The following RANBP9 variants were observed in gnomAD, a reference collection of about 807,000 sequenced individuals.
RANBP9 encodes ran-binding protein 9.
A neutral mutation model predicts 84.3 loss-of-function variants in RANBP9; 15 were observed. The ratio of observed to expected loss-of-function variants is 0.18; its 90% CI spans 0.12 to 0.27. The LOEUF (loss-of-function observed/expected upper bound fraction) is 0.27. Among genes scored for constraint, RANBP9 ranks in the 10% least tolerant of loss-of-function variants. RANBP9 has a pLI of 1.00. For missense variants in RANBP9, 809 were observed against 912.8 expected (o/e 0.89, Z 1.46); for synonymous variants, 392 against 349.6 (o/e 1.12, Z -1.35).
At chr6:13,651,384 T>C (rs571103572) in intron 5 of RANBP9, among the ~76,000 whole-genome samples, 16 of 123,454 alleles carry the variant, frequency 1.3e-4, no homozygotes, top group African/African-American at 5.6e-4. Context: ...TTTGTTGTTG[T>C]TGTTGTTTTG....
chr6:13,673,153 C>T (rs918179691), intron 2 of RANBP9, among the ~76,000 whole-genome samples: 2 of 151,948 alleles, frequency 1.3e-5, no homozygotes, highest in African/African-American at 4.8e-5. Context: ...CAGGAAAAAA[C>T]AAAACAAAAC....
chr6:13,697,309 G>A (rs753797734), intron 1 of RANBP9, among the ~76,000 whole-genome samples: 10 of 152,198 alleles, frequency 6.6e-5, no homozygotes, highest in African/African-American at 1.9e-4. Flanking sequence ...CCAAAGTCCT[G>A]GCTCTTTAAA....
chr6:13,660,128 G>C (rs1399488045), intron 2 of RANBP9, among the ~76,000 whole-genome samples: 1 of 152,108 alleles, frequency 6.6e-6, no homozygotes, highest in Non-Finnish European at 1.5e-5. Flanking sequence ...ACAGGAATAA[G>C]GTTCTCAAGG....
intron 2 of RANBP9, among the ~76,000 whole-genome samples, chr6:13,691,955 C>T (rs890762519): frequency 3.3e-5 from 5 of 152,098 alleles, no homozygotes; most frequent in African/African-American, 1.2e-4. Context: ...CCACTGTGCC[C>T]AGCGAAAATT....
intron 2 of RANBP9, among the ~76,000 whole-genome samples, chr6:13,678,757 C>A (rs1275790431): frequency 6.6e-6 from 1 of 152,184 alleles, no homozygotes; most frequent in East Asian, 1.9e-4. Context: ...CCCTGTGTAG[C>A]ATGCAGTGAC....
At chr6:13,627,495 T>C (rs1230279774) in intron 12 of RANBP9, among the ~76,000 whole-genome samples, 4 of 151,876 alleles carry the variant, frequency 2.6e-5, no homozygotes, top group African/African-American at 9.7e-5. Context: ...TCAGGCATGG[T>C]GGTGCATGCC....
At chr6:13,702,644 G>C (rs1482518131) in intron 1 of RANBP9, among the ~76,000 whole-genome samples, 1 of 151,864 alleles carries the variant, frequency 6.6e-6, no homozygotes, top group African/African-American at 2.4e-5. Flanking sequence ...GGTTATGTAG[G>C]ATTTTCATCT....
At chr6:13,706,709 A>G (rs963584009) in intron 1 of RANBP9, among the ~76,000 whole-genome samples, 5 of 150,680 alleles carry the variant, frequency 3.3e-5, no homozygotes, top group Non-Finnish European at 5.9e-5. Context: ...AAAAAAAAAA[A>G]GGACAATTCA....
chr6:13,623,035 C>G (rs1764498632), intron 13 of RANBP9, among the ~76,000 whole-genome samples: 1 of 152,136 alleles, frequency 6.6e-6, no homozygotes. Flanking sequence ...ACAGCAGAGC[C>G]ACCCCACAGT....
intron 9 of RANBP9, among the ~76,000 whole-genome samples, chr6:13,639,149 A>G (rs952475035): frequency 6.6e-5 from 10 of 152,160 alleles, no homozygotes; most frequent in Admixed American, 3.3e-4. Context: ...AATCTTAAGT[A>G]TACACATTTG....
At chr6:13,670,285 T>C (rs1440959011) in intron 2 of RANBP9, among the ~76,000 whole-genome samples, 1 of 151,850 alleles carries the variant, frequency 6.6e-6, no homozygotes, top group African/African-American at 2.4e-5. Flanking sequence ...AGATTAAGAT[T>C]CTGTCTCAAA....
intron 4 of RANBP9, among the ~76,000 whole-genome samples, chr6:13,655,563 A>T (rs1433374361): frequency 3.9e-5 from 6 of 152,222 alleles, no homozygotes; most frequent in African/African-American, 9.6e-5. Flanking sequence ...CATTTTAAAA[A>T]TAGCTTTCTT....
chr6:13,623,475 T>C (rs897314426), intron 13 of RANBP9, among the ~76,000 whole-genome samples: 1 of 151,906 alleles, frequency 6.6e-6, no homozygotes, highest in Non-Finnish European at 1.5e-5. Flanking sequence ...GACTTAAAGG[T>C]AGAAGAGAAA....
chr6:13,706,777 A>C (rs1341054487), intron 1 of RANBP9, among the ~76,000 whole-genome samples: 2 of 151,836 alleles, frequency 1.3e-5, no homozygotes, highest in Non-Finnish European at 2.9e-5. Flanking sequence ...CGAGGCGGGC[A>C]GATCATCTGA....
chr6:13,627,955 T>G (rs1052914686), intron 12 of RANBP9, among the ~76,000 whole-genome samples: 4 of 152,128 alleles, frequency 2.6e-5, no homozygotes, highest in Non-Finnish European at 5.9e-5. Flanking sequence ...ATCCTGCACA[T>G]GTACCCTGGA....
At chr6:13,636,129 G>A (rs1012937493) in intron 10 of RANBP9, among the ~76,000 whole-genome samples, 14 of 152,264 alleles carry the variant, frequency 9.2e-5, no homozygotes, top group African/African-American at 3.4e-4. Context: ...TGGAGGTGAG[G>A]GAGGGTAGGA....
In RANBP9 at chr6:13,711,245, CGGCGGCGGG is replaced by C. The variant is rs1166034488; in HGVS notation, c.252_260del (p.Pro90_Pro92del). The C allele has an allele frequency of 7.0e-5, 38 of 541,722 alleles. No individual in the cohort carries two copies. Among genetic ancestry groups the C allele is most frequent in the African/African-American group, 1.9e-4 (8 of 41,368 alleles). The allele number at this position is 541,722 out of a possible 1,614,324, so 33.6% of individuals were successfully genotyped here. A position where few individuals can be genotyped will look rare whatever the true frequency, so the allele number is the denominator to read the frequency against. ...CCGCTGAGGCAGGGGGAGGCGGGGG[CGGCGGCGGG>C]GGCGGCGGGGCCGCGGTGGCCGGGG... On this transcript the variant is annotated inframe_deletion, in exon 1 of 14. Transcript: ENST00000011619.
intron 1 of RANBP9, among the ~76,000 whole-genome samples, chr6:13,699,772 G>C (rs1043337601): frequency 6.6e-6 from 1 of 152,164 alleles, no homozygotes; most frequent in Non-Finnish European, 1.5e-5. Flanking sequence ...TGAGGCACAA[G>C]AATCGCTTGA....
chr6:13,623,911 CAAG>C (rs1270513757), intron 13 of RANBP9, among the ~76,000 whole-genome samples: 3 of 152,200 alleles, frequency 2.0e-5, no homozygotes, highest in South Asian at 4.1e-4. Context: ...TTGAAGAACT[CAAG>C]AAACTAAATT....
Sources: allele counts gnomAD v4.1 joint callset (sites outside exome capture counted in the v4.1 genomes callset), GRCh38; gene constraint gnomAD v4.1.1; transcripts MANE v1.5; gene names NCBI Gene and HGNC (gene_info 2026-07-23, HGNC 2026-07-21).